The following UCHL3 variants were observed in gnomAD, a reference collection of about 807,000 sequenced individuals.
UCHL3 encodes the protein ubiquitin carboxyl-terminal hydrolase isozyme L3.
UCHL3 carries 22 observed loss-of-function variants against 35.8 expected under a neutral mutation model. That is an observed-to-expected ratio of 0.61 (90% CI 0.44 to 0.88). The LOEUF (loss-of-function observed/expected upper bound fraction) is 0.88. Among genes scored for constraint, UCHL3 ranks in the 40% least tolerant of loss-of-function variants. The pLI is 0.00. For synonymous variants in UCHL3, 90 were observed against 92.8 expected (o/e 0.97, Z 0.17); for missense variants, 229 against 276.9 (o/e 0.83, Z 1.23).
At chr13:75,573,585 G>T (rs779364962) in intron 6 of UCHL3, among the ~76,000 whole-genome samples, 16 of 152,126 alleles carry the variant, frequency 1.1e-4, no homozygotes, top group Non-Finnish European at 1.9e-4. Context: ...AGCCTTACCT[G>T]GCCTGTCCTG....
chr13:75,556,332 A>G (rs1465683482), intron 2 of UCHL3, among the ~76,000 whole-genome samples: 2 of 152,196 alleles, frequency 1.3e-5, no homozygotes, highest in African/African-American at 2.4e-5. Context: ...CTACACTGCC[A>G]TTTTCTCATT....
intron 2 of UCHL3, among the ~76,000 whole-genome samples, chr13:75,556,664 C>T (rs563736072): frequency 3.2e-4 from 48 of 152,158 alleles, no homozygotes; most frequent in African/African-American, 1.0e-3. Flanking sequence ...TTTTAAGACT[C>T]GTTTGTGTGT....
intron 2 of UCHL3, 38 bp downstream of exon 2, chr13:75,550,025 T>C: frequency 6.2e-7 from 1 of 1,614,158 alleles, no homozygotes; most frequent in African/African-American, 1.3e-5. Flanking sequence ...CTCGGAGTCT[T>C]TTCTGTCTGC....
intron 6 of UCHL3, among the ~76,000 whole-genome samples, chr13:75,577,582 A>G (rs1173531140): frequency 6.6e-6 from 1 of 152,222 alleles, no homozygotes; most frequent in African/African-American, 2.4e-5. Context: ...GAATAACTGT[A>G]GAATAGTAAG....
chr13:75,576,589 C>T (rs2032032078), intron 6 of UCHL3, among the ~76,000 whole-genome samples: 1 of 152,148 alleles, frequency 6.6e-6, no homozygotes, highest in South Asian at 2.1e-4. Context: ...CTCCTGACCT[C>T]GTGATCCACC....
intron 5 of UCHL3, 151 bp downstream of exon 5, chr13:75,567,463 CTT>C (rs1295277139): frequency 1.6e-6 from 1 of 641,954 alleles, no homozygotes; most frequent in East Asian, 2.8e-5. Context: ...TTTCAGATAA[CTT>C]TGAAATATCC....
At chr13:75,575,608 C>T (rs900816154) in intron 6 of UCHL3, among the ~76,000 whole-genome samples, 5 of 152,136 alleles carry the variant, frequency 3.3e-5, no homozygotes, top group African/African-American at 1.2e-4. Flanking sequence ...GCAATTGAGG[C>T]ACAGAAGGTT....
At chr13:75,590,200 T>G in intron 6 of UCHL3, 1 of 1,210,576 alleles carries the variant, frequency 8.3e-7, no homozygotes, top group Non-Finnish European at 1.0e-6. Flanking sequence ...TTTTCTTAAC[T>G]TCGGTCTTCA....
chr13:75,550,010 G>A, intron 2 of UCHL3, 23 bp downstream of exon 2: 1 of 1,614,212 alleles, frequency 6.2e-7, no homozygotes, highest in South Asian at 1.1e-5. Flanking sequence ...TCTGTCGCTC[G>A]GGACCTCGGA....
intron 3 of UCHL3, among the ~76,000 whole-genome samples, chr13:75,562,313 A>G (rs1373523972): frequency 6.6e-6 from 1 of 152,130 alleles, no homozygotes; most frequent in Non-Finnish European, 1.5e-5. Flanking sequence ...ACTATTCATA[A>G]TAGAGAAATT....
rs142890955 is a variant in UCHL3, at chr13:75,583,381, A to G, written c.475-11534A>G. Reference sequence around the variant, plus strand: ...CTTTTCTTATTCCTTCCTCTGTTATATAAGTTTTTATTAGAAAACATGATG... The same window carrying G: ...CTTTTCTTATTCCTTCCTCTGTTATGTAAGTTTTTATTAGAAAACATGATG... On this transcript the variant is annotated intron_variant, in intron 6 of 8. Coordinates refer to ENST00000377595, the MANE Select transcript of UCHL3 (RefSeq NM_006002.5). Among the ~76,000 whole-genome samples the G allele has an allele frequency of 9.6e-4, 146 of 152,320 alleles. 3 individuals are homozygous for G. The East Asian group carries it at 0.021, about 22-fold the overall frequency.
chr13:75,592,432 A>C (rs1349795814), intron 6 of UCHL3, among the ~76,000 whole-genome samples: 1 of 99,042 alleles, frequency 1.0e-5, no homozygotes, highest in African/African-American at 4.0e-5. Flanking sequence ...ATATATATAT[A>C]TATATATATA....
intron 2 of UCHL3, among the ~76,000 whole-genome samples, chr13:75,559,879 T>C (rs768458081): frequency 3.3e-5 from 5 of 152,244 alleles, no homozygotes; most frequent in Non-Finnish European, 5.9e-5. Flanking sequence ...CTTCTTTCGA[T>C]ATAAAGTTAT....
chr13:75,562,411 A>G (rs114813923), intron 3 of UCHL3, among the ~76,000 whole-genome samples: 2,091 of 152,202 alleles, frequency 0.014, 67 homozygotes, highest in African/African-American at 0.048. Flanking sequence ...TTTGTAGAAG[A>G]GTTGAGACAA....
Position 75,592,421 on chromosome 13 carries a change from T to TATATATATGTATATACATATATAC in UCHL3, c.475-2486_475-2485insGTATATACATATATACATATATAT, listed in dbSNP as rs1566227792. On this transcript the variant is annotated intron_variant, in intron 6 of 8. Transcript: ENST00000377595. ...GGAATTTTAATTTTTCCTTCATATA[T>TATATATATGTATATACATATATAC]ATATATATATATATATATATATATA... 4.2e-3 allele frequency among the ~76,000 whole-genome samples: 186 copies of TATATATATGTATATACATATATAC among 43,876 alleles called. 17 individuals are homozygous for TATATATATGTATATACATATATAC. Among genetic ancestry groups the TATATATATGTATATACATATATAC allele is most frequent in the African/African-American group, 9.3e-3 (72 of 7,704 alleles). 28.8% of individuals were successfully genotyped at this position (43,876 alleles called of 152,430 possible). A position where few individuals can be genotyped will look rare whatever the true frequency, so the allele number is the denominator to read the frequency against.
intron 3 of UCHL3, among the ~76,000 whole-genome samples, chr13:75,562,938 C>G (rs529741170): frequency 1.1e-4 from 17 of 152,128 alleles, no homozygotes; most frequent in African/African-American, 4.1e-4. Flanking sequence ...AGATGTCTTA[C>G]AGTTTTGTAG....
rs908856093 is a variant in UCHL3, at chr13:75,549,924, C to T, written c.43-52C>T. On this transcript the variant is annotated intron_variant, in intron 1 of 8. Coordinates refer to ENST00000377595, the MANE Select transcript of UCHL3 (RefSeq NM_006002.5). ...GGTGCAGAGGGAGCCGGCTTGCTGC[C>T]GCGAGTCCACGGTGGTTTGTCTCTA... 12 of 1,614,158 alleles carry T rather than the reference C, an allele frequency of 7.4e-6. No individual in the cohort carries two copies. In the South Asian group the frequency reaches 1.1e-4, roughly 15 times the overall value.
At chr13:75,557,193 G>T (rs115117640) in intron 2 of UCHL3, among the ~76,000 whole-genome samples, 3,938 of 151,946 alleles carry the variant, frequency 0.026, 173 homozygotes, top group African/African-American at 0.088. Flanking sequence ...TCCAGCCTGG[G>T]CAATGGAGCA....
rs36133915 is a variant in UCHL3 at position 75,592,446 on chromosome 13, A to ATACATATATATATATATATGTATATATG, written c.475-2467_475-2466insCATATATATATATATATGTATATATGTA. On this transcript the variant is annotated intron_variant, in intron 6 of 8. Coordinates refer to ENST00000377595, the MANE Select transcript of UCHL3 (RefSeq NM_006002.5). ...TATATATATATATATATATATATATATATATATATATATATATATATGAAG... is the reference window on the plus strand; with the variant it reads ...TATATATATATATATATATATATATATACATATATATATATATATGTATATATGTATATATATATATATATATATGAAG... Among the ~76,000 whole-genome samples, 60 of 71,082 alleles carry ATACATATATATATATATATGTATATATG rather than the reference A, an allele frequency of 8.4e-4. 4 individuals carry two copies. The highest frequency in any genetic ancestry group is 1.8e-3 in the Non-Finnish European group (55 of 31,350). The allele number at this position is 71,082 out of a possible 152,430, so 46.6% of individuals were successfully genotyped here.
Sources: gnomAD v4.1 joint callset for allele counts (sites outside exome capture counted in the v4.1 genomes callset) on GRCh38, gnomAD v4.1.1 for gene constraint, MANE v1.5 for transcripts, NCBI Gene and HGNC (gene_info 2026-07-23, HGNC 2026-07-21) for gene names.